The following GGA2 variants were observed in gnomAD, a reference collection of about 807,000 sequenced individuals.
The protein encoded by GGA2 is golgi associated, gamma adaptin ear containing, ARF binding protein 2.
Under a neutral mutation model 79.5 loss-of-function variants are expected in GGA2, and 48 were observed. That is an observed-to-expected ratio of 0.60 (90% CI 0.48 to 0.77). The LOEUF is 0.77. Among genes scored for constraint, GGA2 ranks in the 30% least tolerant of loss-of-function variants. The pLI is 0.00. For synonymous variants in GGA2, 317 were observed against 302.0 expected (o/e 1.05, Z -0.51); for missense variants, 770 against 774.0 (o/e 0.99, Z 0.06).
intron 10 of GGA2, 32 bp downstream of exon 10, chr16:23,480,613 C>G (rs377028739): frequency 2.5e-6 from 4 of 1,583,904 alleles, no homozygotes; most frequent in Non-Finnish European, 3.5e-6. Flanking sequence ...TGCCCCAAGG[C>G]AGAGAAGGCA....
chr16:23,512,196 T>G (rs1597000097), upstream of GGA2, among the ~76,000 whole-genome samples: 1 of 152,194 alleles, frequency 6.6e-6, no homozygotes, highest in Admixed American at 6.5e-5. Context: ...CTAGTGGCAG[T>G]GGGCTGGACA....
intron 5 of GGA2, 111 bp downstream of exon 5, chr16:23,491,566 T>A (rs1053388520): frequency 1.2e-6 from 1 of 801,734 alleles, no homozygotes; most frequent in East Asian, 2.7e-5. Flanking sequence ...TCAGTGTCTA[T>A]GGTCCTACAT....
intron 9 of GGA2, among the ~76,000 whole-genome samples, chr16:23,481,083 A>C (rs1443695245): frequency 6.6e-6 from 1 of 152,234 alleles, no homozygotes; most frequent in African/African-American, 2.4e-5. Context: ...TTTAACTCAG[A>C]ATCTGAAGCT....
chr16:23,507,755 G>A (rs1964989588), intron 1 of GGA2, among the ~76,000 whole-genome samples: 1 of 152,126 alleles, frequency 6.6e-6, no homozygotes, highest in African/African-American at 2.4e-5. Flanking sequence ...AGCCGAGATG[G>A]CACCACTGCA....
chr16:23,495,817 G>A, intron 1 of GGA2, 39 bp from the exon 2 acceptor site: 1 of 1,397,764 alleles, frequency 7.2e-7, no homozygotes, highest in Non-Finnish European at 1.0e-6. Flanking sequence ...TACATAATAG[G>A]AAGAAATTTA....
intron 1 of GGA2, among the ~76,000 whole-genome samples, chr16:23,503,362 A>G (rs1964940599): frequency 6.6e-6 from 1 of 152,244 alleles, no homozygotes; most frequent in Non-Finnish European, 1.5e-5. Context: ...TGGTGAATAC[A>G]CAAATTGATC....
chr16:23,468,167 ATCTG>A (rs553058665), intron 16 of GGA2, among the ~76,000 whole-genome samples: 36 of 150,168 alleles, frequency 2.4e-4, no homozygotes, highest in South Asian at 1.1e-3. Context: ...TCTTTCATCT[ATCTG>A]TCTGTCTGTC....
intron 1 of GGA2, among the ~76,000 whole-genome samples, chr16:23,521,337 GATT>G (rs1965140409): frequency 6.6e-6 from 1 of 151,676 alleles, no homozygotes; most frequent in Non-Finnish European, 1.5e-5. Context: ...GTATAATTTT[GATT>G]ATTTTAAGTA....
At chr16:23,481,103 G>T (rs1964642133) in intron 9 of GGA2, among the ~76,000 whole-genome samples, 1 of 152,262 alleles carries the variant, frequency 6.6e-6, no homozygotes, top group Non-Finnish European at 1.5e-5. Context: ...TGCTGGCTCT[G>T]TGCAGTGGCT....
chr16:23,513,259 G>T (rs1965084229), upstream of GGA2, among the ~76,000 whole-genome samples: 1 of 124,652 alleles, frequency 8.0e-6, no homozygotes, highest in African/African-American at 2.9e-5. Context: ...TGGTGTTTTG[G>T]CATAGCGAGT....
Position 23,479,888 on chromosome 16 carries a change from C to G in GGA2, c.1007-1G>C. 3 of 1,613,956 alleles carry G rather than the reference C, an allele frequency of 1.9e-6. No homozygotes were observed. Among genetic ancestry groups the G allele is most frequent in the Non-Finnish European group, 2.5e-6 (3 of 1,179,904 alleles). Reference sequence around the variant, plus strand: ...ATGCAGCCTGCTGGATTCTGAAAGACTAGAAAGCCCAGGGTTAGGAAGAGA... The same window carrying G: ...ATGCAGCCTGCTGGATTCTGAAAGAGTAGAAAGCCCAGGGTTAGGAAGAGA... On this transcript the variant is annotated splice_acceptor_variant, in intron 10 of 16. Coordinates refer to ENST00000309859, the MANE Select transcript of GGA2 (RefSeq NM_015044.4). LOFTEE classifies it high-confidence loss of function.
Position 23,471,568 on chromosome 16 carries a change from TA to T in GGA2, c.1451-1404del, listed in dbSNP as rs112123490. On this transcript the variant is annotated intron_variant, in intron 14 of 16. Coordinates refer to ENST00000309859, the MANE Select transcript of GGA2 (RefSeq NM_015044.4). ...ATGGCACTCAGACTGGTTAATCAGC[TA>T]AAAAAAAAACCTTAATATCAAAATA... is the stretch of plus-strand genomic sequence containing the variant. Among the ~76,000 whole-genome samples, 75 of 147,598 alleles carry T rather than the reference TA, an allele frequency of 5.1e-4. 1 individual carries two copies. Among genetic ancestry groups the T allele is most frequent in the African/African-American group, 1.4e-3 (56 of 40,338 alleles).
chr16:23,493,717 C>T, intron 3 of GGA2: 1 of 438,554 alleles, frequency 2.3e-6, no homozygotes, highest in Non-Finnish European at 4.2e-6. Context: ...GAGGTCACCC[C>T]ACCTTTTAAG....
rs1250829174 is a variant in GGA2 at position 23,510,396 on chromosome 16, C to T, written c.16G>A (p.Val6Met). 1.2e-5 allele frequency: 17 copies of T among 1,384,684 alleles called. No homozygotes were observed. Among genetic ancestry groups the T allele is most frequent in the Non-Finnish European group, 1.5e-5 (16 of 1,063,974 alleles). 85.8% of individuals were successfully genotyped at this position (1,384,684 alleles called of 1,614,324 possible). MAATAVAAAVAGTESA... is the reference protein window; with the variant it reads MAATAMAAAVAGTESA... The stretch of plus-strand genomic sequence containing the variant: ...TCGGTTCCCGCCACAGCCGCCGCCA[C>T]CGCGGTCGCCGCCATCGCTCCAGCC... The change falls in exon 1 of 17, where the codon GTG becomes ATG. Residue 6 changes from valine (V) to methionine (M), a missense_variant. Transcript: ENST00000309859.
intron 2 of GGA2, among the ~76,000 whole-genome samples, chr16:23,516,336 G>A (rs1965102765): frequency 1.3e-5 from 2 of 152,178 alleles, no homozygotes; most frequent in South Asian, 4.2e-4. Flanking sequence ...AATTTGGTGA[G>A]GCACTATCTA....
In GGA2 at chr16:23,467,627, T is replaced by G. The variant is rs370266306; in HGVS notation, c.1805A>C (p.Lys602Thr). ...GQPFSEVGEV[K>T]DFPDLAVLGA... is the part of the protein sequence containing the mutation. ...CAAGACAGCCAGGTCTGGGAAGTCT[T>G]TCACTTCTCCTACTTCGCTGAAAGG... The change falls in exon 17 of 17, where the codon AAA becomes ACA. Residue 602 changes from lysine to threonine, a missense_variant. Lys to Thr is a moderately conservative substitution (Grantham distance 78). Coordinates refer to ENST00000309859, the MANE Select transcript of GGA2 (RefSeq NM_015044.4). 1.2e-5 allele frequency: 19 copies of G among 1,606,566 alleles called. 1 individual carries two copies. The African/African-American group carries it at 2.1e-4, about 18-fold the overall frequency.
Position 23,495,503 on chromosome 16 carries a change from C to T in GGA2, c.176+191G>A, listed in dbSNP as rs1964843553. The T allele has an allele frequency of 7.7e-6, 3 of 389,990 alleles. No homozygotes were observed. The Admixed American group carries it at 1.3e-4, about 17-fold the overall frequency. The allele number at this position is 389,990 out of a possible 1,614,324, so 24.2% of individuals were successfully genotyped here. A position where few individuals can be genotyped will look rare whatever the true frequency, so the allele number is the denominator to read the frequency against. ...TGAGACAGAGTCTCTCACTCTGTCA[C>T]CCAGGCAGGTCTCAAACTCCTGGGC... is the stretch of plus-strand genomic sequence containing the variant. On this transcript the variant is annotated intron_variant, in intron 2 of 16. Transcript: ENST00000309859.
intron 15 of GGA2, 176 bp from the exon 16 acceptor site, chr16:23,469,172 T>C: frequency 1.9e-6 from 1 of 530,414 alleles, no homozygotes; most frequent in Admixed American, 3.0e-5. Context: ...CACTAATTGA[T>C]AAAAGGATCT....
intron 2 of GGA2, 141 bp downstream of exon 2, chr16:23,495,553 T>TC: frequency 2.2e-6 from 1 of 456,466 alleles, no homozygotes; most frequent in Non-Finnish European, 3.9e-6. Context: ...TGCCTTGGTC[T>TC]CCCAAACTGT....
Sources: gnomAD v4.1 joint callset for allele counts (sites outside exome capture counted in the v4.1 genomes callset) on GRCh38, gnomAD v4.1.1 for gene constraint, MANE v1.5 for transcripts, NCBI Gene and HGNC (gene_info 2026-07-23, HGNC 2026-07-21) for gene names.